Variants in LRBA observed in about 807,000 individuals in gnomAD.
LRBA encodes the protein lipopolysaccharide-responsive and beige-like anchor protein.
Under a neutral mutation model 330.0 loss-of-function variants are expected in LRBA, and 176 were observed. The ratio of observed to expected loss-of-function variants is 0.53; its 90% CI spans 0.47 to 0.60. The LOEUF is 0.60. LRBA is among the 20% of genes least tolerant of loss of function. The pLI is 0.00. For missense variants in LRBA, 3,259 were observed against 3,444.8 expected, an observed-to-expected ratio of 0.95 and a Z score of 1.35; for synonymous variants, 1,230 against 1,193.0, an observed-to-expected ratio of 1.03 and a Z score of -0.64.
chr4:150,988,613 T>C (rs1404169873), intron 2 of LRBA, among the ~76,000 whole-genome samples: 1 of 152,132 alleles, frequency 6.6e-6, no homozygotes, highest in Non-Finnish European at 1.5e-5. Flanking sequence ...ACAGTCTCGC[T>C]CTGTCACCAG....
chr4:150,758,572 CT>C (rs35416240), intron 35 of LRBA, among the ~76,000 whole-genome samples: 71,303 of 117,002 alleles, frequency 0.61, 23,202 homozygotes, highest in Non-Finnish European at 0.79. Flanking sequence ...ATCTCTTTGT[CT>C]TTTTTTTTTT....
At chr4:150,316,267 C>T (rs891529764) in intron 50 of LRBA, among the ~76,000 whole-genome samples, 10 of 152,050 alleles carry the variant, frequency 6.6e-5, no homozygotes, top group African/African-American at 2.4e-4. Flanking sequence ...TTTAAAAATA[C>T]TCTGAGAAGG....
Position 150,302,665 on chromosome 4 carries a change from A to G in LRBA, c.7977T>C (p.Tyr2659=), listed in dbSNP as rs748061845. The change falls in exon 53 of 57, where the codon TAT becomes TAC. Residue 2659 remains tyrosine (Y), a synonymous_variant. Coordinates refer to ENST00000651943, the MANE Select transcript of LRBA (RefSeq NM_001364905.1). ...GSRDATLLLW[Y]WNGKCSGIGD... ...CAATCCCACTGCATTTTCCATTCCA[A>G]TACCACAGCAAAAGAGTTGCATCAC... is the stretch of plus-strand genomic sequence containing the variant. The G allele has an allele frequency of 4.3e-6, 7 of 1,612,812 alleles. No homozygotes were observed. The highest frequency in any genetic ancestry group is 5.9e-6 in the Non-Finnish European group (7 of 1,179,302).
chr4:150,850,529 T>G (rs1455971784), intron 24 of LRBA, among the ~76,000 whole-genome samples, 195 bp downstream of exon 24: 1 of 152,232 alleles, frequency 6.6e-6, no homozygotes, highest in East Asian at 1.9e-4. Context: ...GCTTTTCACA[T>G]TTTTGTAATC....
chr4:150,561,000 G>A (rs551746602), intron 40 of LRBA, among the ~76,000 whole-genome samples: 1 of 151,788 alleles, frequency 6.6e-6, no homozygotes, highest in African/African-American at 2.4e-5. Flanking sequence ...AAAAGAAAAA[G>A]GTTACTATCA....
At chr4:150,867,344 T>C (rs548728958) in intron 22 of LRBA, among the ~76,000 whole-genome samples, 13 of 152,128 alleles carry the variant, frequency 8.5e-5, no homozygotes, top group Non-Finnish European at 1.5e-4. Flanking sequence ...AAAAAAAATA[T>C]TAGGTTGGTG....
rs576237764 is a variant in LRBA, at chr4:150,956,610, T to C, written c.217-27545A>G. ...TACAGACCAATATATCTTATGAATA[T>C]GAACACAAAAATCCTCAACAAAATA... On this transcript the variant is annotated intron_variant, in intron 2 of 56. Coordinates refer to ENST00000651943, the MANE Select transcript of LRBA (RefSeq NM_001364905.1). 4.0e-5 allele frequency among the ~76,000 whole-genome samples: 6 copies of C among 148,998 alleles called. 1 individual carries two copies. Among genetic ancestry groups the C allele is most frequent in the African/African-American group, 1.6e-4 (6 of 38,492 alleles).
chr4:150,879,503 G>A (rs1487280924), intron 17 of LRBA, among the ~76,000 whole-genome samples: 1 of 152,092 alleles, frequency 6.6e-6, no homozygotes, highest in Non-Finnish European at 1.5e-5. Context: ...CATAGCACTG[G>A]AAGTCCTTGC....
chr4:150,328,708 G>T (rs890102929), intron 48 of LRBA, among the ~76,000 whole-genome samples: 2 of 151,996 alleles, frequency 1.3e-5, no homozygotes, highest in Admixed American at 1.3e-4. Context: ...GGGTACAAAT[G>T]AGGAAGTAAT....
At chr4:150,982,242 T>C (rs1402920560) in intron 2 of LRBA, among the ~76,000 whole-genome samples, 1 of 152,198 alleles carries the variant, frequency 6.6e-6, no homozygotes, top group Non-Finnish European at 1.5e-5. Flanking sequence ...TAATTGTTCC[T>C]TAAGTCTCAT....
chr4:150,928,570 T>A lies in LRBA; in HGVS notation c.495A>T (p.Thr165=), dbSNP rs757953233. 6 of 1,613,798 alleles carry A rather than the reference T, an allele frequency of 3.7e-6. No individual in the cohort carries two copies. The highest frequency in any genetic ancestry group is 5.1e-6 in the Non-Finnish European group (6 of 1,179,898). Residue 165 remains threonine, a synonymous_variant, in exon 4 of 57, where the codon ACA becomes ACT. Coordinates refer to ENST00000651943, the MANE Select transcript of LRBA (RefSeq NM_001364905.1). ...MLGVLASYNL[T]VRELKLFFSK... Reference sequence around the variant, plus strand: ...TGAAGAAAAGCTTTAGCTCGCGAACTGTCAAATTATAGCTAGCCAGCACTC... The same window carrying A: ...TGAAGAAAAGCTTTAGCTCGCGAACAGTCAAATTATAGCTAGCCAGCACTC...
chr4:150,415,662 T>G, intron 46 of LRBA, 72 bp from the exon 47 acceptor site: 1 of 895,408 alleles, frequency 1.1e-6, no homozygotes, highest in Admixed American at 2.4e-5. Context: ...AAAAAGGACC[T>G]GATCATTTTC....
chr4:150,751,435 GA>G (rs1480462100), intron 35 of LRBA, among the ~76,000 whole-genome samples: 3 of 151,688 alleles, frequency 2.0e-5, no homozygotes, highest in East Asian at 1.9e-4. Flanking sequence ...ATATCTAAAT[GA>G]TTTTTTTTTG....
chr4:150,317,737 T>A (rs1300023387), intron 50 of LRBA, among the ~76,000 whole-genome samples: 1 of 152,138 alleles, frequency 6.6e-6, no homozygotes, highest in Non-Finnish European at 1.5e-5. Flanking sequence ...GTGAAATGGG[T>A]TTAAGGAGGT....
At position 150,614,843 on chromosome 4, in the gene LRBA, C is replaced by T. The variant is rs532860830; in HGVS notation, c.5922-15712G>A. Among the ~76,000 whole-genome samples the T allele has an allele frequency of 3.6e-4, 55 of 152,326 alleles. No homozygotes were observed. The South Asian group carries it at 0.011, about 31-fold the overall frequency. On this transcript the variant is annotated intron_variant, in intron 37 of 56. Coordinates refer to ENST00000651943, the MANE Select transcript of LRBA (RefSeq NM_001364905.1). ...AGCAATGTGTTCCCTGGCTGGGTAG[C>T]CATTTCCCAGCAAAACTTTAAACTA...
At chr4:150,541,013 T>C (rs1765261701) in intron 40 of LRBA, among the ~76,000 whole-genome samples, 1 of 152,210 alleles carries the variant, frequency 6.6e-6, no homozygotes, top group South Asian at 2.1e-4. Context: ...AAAATTTACA[T>C]ATGAGTAACA....
At chr4:150,506,395 C>A (rs1761091485) in intron 40 of LRBA, among the ~76,000 whole-genome samples, 1 of 152,216 alleles carries the variant, frequency 6.6e-6, no homozygotes, top group Admixed American at 6.5e-5. Context: ...AAGTGGGCTT[C>A]ATCCCTGAGA....
intron 10 of LRBA, 44 bp downstream of exon 10, chr4:150,908,616 A>C: frequency 6.5e-7 from 1 of 1,549,860 alleles, no homozygotes; most frequent in Non-Finnish European, 8.8e-7. Flanking sequence ...ATAACACATC[A>C]AAAATTACCA....
At chr4:150,529,990 T>C (rs1310575282) in intron 40 of LRBA, among the ~76,000 whole-genome samples, 3 of 152,218 alleles carry the variant, frequency 2.0e-5, no homozygotes, top group Non-Finnish European at 4.4e-5. Flanking sequence ...AATCCTTGCA[T>C]TCCAAAATGT....
Sources: gnomAD v4.1 joint callset for allele counts (sites outside exome capture counted in the v4.1 genomes callset) on GRCh38, gnomAD v4.1.1 for gene constraint, MANE v1.5 for transcripts, NCBI Gene and HGNC (gene_info 2026-07-23, HGNC 2026-07-21) for gene names.